RFWD3: variants seen among roughly 807,000 people sequenced by gnomAD.
RFWD3 encodes the protein ring finger and WD repeat domain 3.
In RFWD3, 65 loss-of-function variants were observed where a neutral mutation model predicts 87.7. That is an observed-to-expected ratio of 0.74 (90% CI 0.61 to 0.91). RFWD3 has a LOEUF of 0.91. Among genes scored for constraint, RFWD3 ranks in the 40% least tolerant of loss-of-function variants. The probability of loss-of-function intolerance (pLI) is 0.00; values close to 1 mark genes in which losing one functional copy is unlikely to be tolerated. For missense variants in RFWD3, 1,078 were observed against 938.5 expected (o/e 1.15, Z -1.94); for synonymous variants, 433 against 352.8 (o/e 1.23, Z -2.55).
intron 9 of RFWD3, among the ~76,000 whole-genome samples, chr16:74,632,216 C>T (rs1389590632): frequency 6.6e-6 from 1 of 151,858 alleles, no homozygotes; most frequent in Non-Finnish European, 1.5e-5. Context: ...CAGTGAAACC[C>T]CGTCTCTACT....
At chr16:74,638,077 AAT>A (rs1959305123) in intron 6 of RFWD3, 107 bp from the exon 7 acceptor site, 2 of 667,988 alleles carry the variant, frequency 3.0e-6, no homozygotes, top group Non-Finnish European at 5.4e-6. Flanking sequence ...CTTTGCTGTA[AAT>A]ATGTTATGAT....
chr16:74,666,153 G>T (rs1214189941), intron 1 of RFWD3, among the ~76,000 whole-genome samples: 1 of 151,412 alleles, frequency 6.6e-6, no homozygotes, highest in Non-Finnish European at 1.5e-5. Flanking sequence ...CATGGGGAAA[G>T]AAAGACATAG....
intron 8 of RFWD3, among the ~76,000 whole-genome samples, chr16:74,634,398 ATT>A (rs1959176608): frequency 7.8e-6 from 1 of 128,944 alleles, no homozygotes; most frequent in South Asian, 2.6e-4. Context: ...ATATATATAT[ATT>A]TTGAGACAAG....
chr16:74,657,437 T>C (rs1961075340), intron 2 of RFWD3, among the ~76,000 whole-genome samples: 1 of 152,036 alleles, frequency 6.6e-6, no homozygotes, highest in African/African-American at 2.4e-5. Flanking sequence ...CTGTGGTCCT[T>C]ACTCTGCCAT....
At chr16:74,627,259 T>A (rs1169100235) in intron 11 of RFWD3, among the ~76,000 whole-genome samples, 1 of 152,230 alleles carries the variant, frequency 6.6e-6, no homozygotes, top group Middle Eastern at 3.2e-3. Flanking sequence ...TACAAATGTG[T>A]TTAATACAGT....
chr16:74,628,630 A>T lies in RFWD3; in HGVS notation c.1791T>A (p.Ala597=). The change falls in exon 11 of 13, where the codon GCT becomes GCA. Residue 597 remains alanine (A), a synonymous_variant. Coordinates refer to ENST00000361070, the MANE Select transcript of RFWD3 (RefSeq NM_018124.4). ...PLVSLSYMPR[A]ASAAFPYGGV... ...CACCATATGGAAATGCAGCTGAGGC[A>T]GCTCTGGGCATGTATGACAGGGAGA... 1 of 1,614,224 alleles carries T rather than the reference A, an allele frequency of 6.2e-7. No individual in the cohort carries two copies. Among genetic ancestry groups the T allele is most frequent in the Non-Finnish European group, 8.5e-7 (1 of 1,180,054 alleles).
At chr16:74,637,135 A>C (rs1053513536) in intron 7 of RFWD3, among the ~76,000 whole-genome samples, 18 of 150,736 alleles carry the variant, frequency 1.2e-4, no homozygotes, top group Non-Finnish European at 2.2e-4. Context: ...AAAAAAAAAA[A>C]AAAAAAAAAA....
At chr16:74,650,003 C>G (rs1462115184) in intron 3 of RFWD3, among the ~76,000 whole-genome samples, 2 of 152,180 alleles carry the variant, frequency 1.3e-5, no homozygotes, top group Non-Finnish European at 2.9e-5. Flanking sequence ...ATCCTTTATG[C>G]CCATTTAGAG....
chr16:74,640,143 T>G (rs984897514), intron 6 of RFWD3, among the ~76,000 whole-genome samples: 6 of 106,244 alleles, frequency 5.6e-5, no homozygotes, highest in African/African-American at 2.5e-4. Flanking sequence ...CATGGAAACT[T>G]AATTTTTTTT....
At chr16:74,637,122 T>TGA (rs1555525966) in intron 7 of RFWD3, among the ~76,000 whole-genome samples, 1 of 101,804 alleles carries the variant, frequency 9.8e-6, no homozygotes, top group Admixed American at 1.1e-4. Context: ...TAAAGTCCTT[T>TGA]AAAAAAAAAA....
chr16:74,630,401 T>C (rs1959057945), intron 10 of RFWD3, among the ~76,000 whole-genome samples: 1 of 152,222 alleles, frequency 6.6e-6, no homozygotes, highest in African/African-American at 2.4e-5. Flanking sequence ...CCCAGCGACA[T>C]GTGGCTATTA....
chr16:74,624,704 A>C (rs1954271609), intron 12 of RFWD3, among the ~76,000 whole-genome samples: 1 of 152,146 alleles, frequency 6.6e-6, no homozygotes, highest in Admixed American at 6.5e-5. Flanking sequence ...GCCTCTAAAA[A>C]TTTATTATTG....
At chr16:74,643,868 G>T (rs1036528039) in intron 6 of RFWD3, 4 of 165,214 alleles carry the variant, frequency 2.4e-5, no homozygotes, top group Non-Finnish European at 4.0e-5. Flanking sequence ...TAGTAGAGAC[G>T]GGGTTTCACC....
chr16:74,627,957 GCA>G (rs1172325999), intron 11 of RFWD3, among the ~76,000 whole-genome samples: 5 of 152,198 alleles, frequency 3.3e-5, no homozygotes, highest in African/African-American at 9.6e-5. Flanking sequence ...TGTGAATGAA[GCA>G]CAGTCTGCTG....
chr16:74,638,586 T>C (rs1959354393), intron 6 of RFWD3, among the ~76,000 whole-genome samples: 2 of 152,168 alleles, frequency 1.3e-5, no homozygotes, highest in South Asian at 4.1e-4. Context: ...AAGAAAAAGA[T>C]GAAAATTGGA....
chr16:74,636,217 T>C lies in RFWD3; in HGVS notation c.1426+129A>G, dbSNP rs556987312. 23 of 764,818 alleles carry C rather than the reference T, an allele frequency of 3.0e-5. No homozygotes were observed. The South Asian group carries it at 3.9e-4, about 13-fold the overall frequency. 47.4% of individuals were successfully genotyped at this position (764,818 alleles called of 1,614,324 possible). A position where few individuals can be genotyped will look rare whatever the true frequency, so the allele number is the denominator to read the frequency against. ...CATCTTTGCAGCACCCTGGGGTACT[T>C]GCATTAACAAGGAACTAATAGGGAA... On this transcript the variant is annotated intron_variant, in intron 8 of 12. Coordinates refer to ENST00000361070, the MANE Select transcript of RFWD3 (RefSeq NM_018124.4).
intron 4 of RFWD3, among the ~76,000 whole-genome samples, chr16:74,646,890 G>A (rs914699894): frequency 6.6e-5 from 10 of 151,360 alleles, no homozygotes; most frequent in Non-Finnish European, 1.0e-4. Context: ...GGCTAACACG[G>A]TGAAACCCCG....
intron 2 of RFWD3, among the ~76,000 whole-genome samples, chr16:74,659,171 T>C (rs571117797): frequency 6.6e-6 from 1 of 152,240 alleles, no homozygotes; most frequent in Admixed American, 6.5e-5. Context: ...AGTTGGTTAA[T>C]ACAAGTCACT....
rs933598014 is a variant in RFWD3, at chr16:74,623,508, T to G, written c.*420A>C. 6.1e-6 allele frequency: 1 copy of G among 163,706 alleles called. No homozygotes were observed. Among genetic ancestry groups the G allele is most frequent in the Non-Finnish European group, 1.3e-5 (1 of 75,766 alleles). The allele number at this position is 163,706 out of a possible 1,614,324, so 10.1% of individuals were successfully genotyped here. A position where few individuals can be genotyped will look rare whatever the true frequency, so the allele number is the denominator to read the frequency against. On this transcript the variant is annotated 3_prime_UTR_variant, in exon 13 of 13. Transcript: ENST00000361070. ...AAATCAGTACCAAGACGATGGTTAG[T>G]CCCTTCAAGGATACTTAAGTGACAG... is the stretch of plus-strand genomic sequence containing the variant.
Sources: allele counts gnomAD v4.1 joint callset (sites outside exome capture counted in the v4.1 genomes callset), GRCh38; gene constraint gnomAD v4.1.1; transcripts MANE v1.5; gene names NCBI Gene and HGNC (gene_info 2026-07-23, HGNC 2026-07-21).